ARHGAP15: variants seen among roughly 807,000 people sequenced by gnomAD.
ARHGAP15 encodes rho GTPase-activating protein 15.
A neutral mutation model predicts 63.7 loss-of-function variants in ARHGAP15; 51 were observed. The observed-to-expected ratio is 0.80, with a 90% confidence interval of 0.64 to 1.01. The LOEUF (loss-of-function observed/expected upper bound fraction) is 1.01, where lower values mean the gene tolerates loss of function less well. ARHGAP15 is among the 50% of genes least tolerant of loss of function. The pLI is 0.00. For synonymous variants in ARHGAP15, 191 were observed against 193.8 expected, an observed-to-expected ratio of 0.99 and a Z score of 0.12; for missense variants, 560 against 564.6, an observed-to-expected ratio of 0.99 and a Z score of 0.08.
intron 6 of ARHGAP15, among the ~76,000 whole-genome samples, chr2:143,277,732 C>T (rs983459862): frequency 6.6e-6 from 1 of 152,082 alleles, no homozygotes; most frequent in East Asian, 1.9e-4. Context: ...ATGATTCCTT[C>T]TTCAAATTCT....
At chr2:143,741,731 C>T (rs1239292948) in intron 13 of ARHGAP15, among the ~76,000 whole-genome samples, 2 of 152,188 alleles carry the variant, frequency 1.3e-5, no homozygotes, top group African/African-American at 4.8e-5. Flanking sequence ...ACCAGGCAGC[C>T]TGGAGACTTG....
intron 6 of ARHGAP15, among the ~76,000 whole-genome samples, chr2:143,406,399 G>C (rs951638658): frequency 6.6e-6 from 1 of 151,876 alleles, no homozygotes; most frequent in Non-Finnish European, 1.5e-5. Flanking sequence ...TCATAGTTAA[G>C]AGGTGTGGCT....
chr2:143,203,751 C>T (rs1395447144), intron 3 of ARHGAP15, among the ~76,000 whole-genome samples: 2 of 151,914 alleles, frequency 1.3e-5, no homozygotes, highest in Non-Finnish European at 2.9e-5. Flanking sequence ...TTTTGGAGCT[C>T]AGTTTTTATT....
intron 6 of ARHGAP15, among the ~76,000 whole-genome samples, chr2:143,358,924 TA>T (rs376665453): frequency 5.0e-4 from 71 of 142,582 alleles, no homozygotes; most frequent in East Asian, 1.0e-3. Context: ...CTGTTTAATG[TA>T]AAAAAAAAAA....
chr2:143,292,777 C>T (rs1682464066), intron 6 of ARHGAP15, among the ~76,000 whole-genome samples: 1 of 151,700 alleles, frequency 6.6e-6, no homozygotes, highest in Non-Finnish European at 1.5e-5. Flanking sequence ...GTTTTCTGTA[C>T]TTGAAAATAA....
chr2:143,161,017 T>A (rs983188681), intron 2 of ARHGAP15, among the ~76,000 whole-genome samples: 1 of 152,014 alleles, frequency 6.6e-6, no homozygotes, highest in Admixed American at 6.6e-5. Context: ...TACATTTTTT[T>A]AAAAGTTAGT....
At chr2:143,435,422 C>A in intron 6 of ARHGAP15, 179 bp from the exon 7 acceptor site, 1 of 1,214,842 alleles carries the variant, frequency 8.2e-7, no homozygotes, top group Non-Finnish European at 1.1e-6. Context: ...ACGTGAAAAA[C>A]AGTTTATAGA....
At chr2:143,735,934 GCTA>G (rs993247098) in intron 13 of ARHGAP15, among the ~76,000 whole-genome samples, 2 of 152,126 alleles carry the variant, frequency 1.3e-5, no homozygotes, top group African/African-American at 4.8e-5. Context: ...ATTCTCATTT[GCTA>G]CTACTAAATT....
intron 8 of ARHGAP15, among the ~76,000 whole-genome samples, chr2:143,470,234 G>T (rs1170247907): frequency 4.0e-5 from 6 of 150,240 alleles, no homozygotes; most frequent in Admixed American, 1.3e-4. Flanking sequence ...ACTAGTATCT[G>T]TGAATAGGTC....
intron 13 of ARHGAP15, among the ~76,000 whole-genome samples, chr2:143,754,174 G>A (rs1424091103): frequency 2.6e-5 from 4 of 152,314 alleles, no homozygotes; most frequent in African/African-American, 9.6e-5. Flanking sequence ...CGAAGCATTT[G>A]GTGGAGGGGC....
chr2:143,197,121 G>T (rs6743877), intron 2 of ARHGAP15, among the ~76,000 whole-genome samples: 25,532 of 151,854 alleles, frequency 0.17, 2,334 homozygotes, highest in Middle Eastern at 0.24. Flanking sequence ...TTCTGAGATT[G>T]TTGAGGAAGA....
intron 12 of ARHGAP15, among the ~76,000 whole-genome samples, chr2:143,702,521 C>T (rs1253730631): frequency 6.6e-6 from 1 of 152,088 alleles, no homozygotes; most frequent in South Asian, 2.1e-4. Flanking sequence ...CAAAATCAAG[C>T]AACAATAGAA....
Position 143,160,873 on chromosome 2 carries a change from G to C in ARHGAP15, c.165+5218G>C, listed in dbSNP as rs146999285. Among the ~76,000 whole-genome samples the C allele has an allele frequency of 3.9e-5, 6 of 152,036 alleles. No individual in the cohort carries two copies. In the East Asian group the frequency reaches 9.7e-4, roughly 25 times the overall value. On this transcript the variant is annotated intron_variant, in intron 2 of 13. Coordinates refer to ENST00000295095, the MANE Select transcript of ARHGAP15 (RefSeq NM_018460.4). ...AGAAAGTTTATGACGACAGTGAAGAGTCCATACTTCAAAGAAAGAGCTAGG... is the reference window on the plus strand; with the variant it reads ...AGAAAGTTTATGACGACAGTGAAGACTCCATACTTCAAAGAAAGAGCTAGG...
At chr2:143,650,462 A>G (rs920026441) in intron 12 of ARHGAP15, among the ~76,000 whole-genome samples, 2 of 151,888 alleles carry the variant, frequency 1.3e-5, no homozygotes, top group African/African-American at 4.8e-5. Flanking sequence ...CTAAAATGTG[A>G]TGGTTTTATG....
At chr2:143,589,505 G>T (rs967017654) in intron 11 of ARHGAP15, among the ~76,000 whole-genome samples, 2 of 152,188 alleles carry the variant, frequency 1.3e-5, no homozygotes, top group African/African-American at 4.8e-5. Context: ...CTGAGGCTTA[G>T]TGAGGTTAAC....
chr2:143,584,068 T>C (rs1441555666), intron 11 of ARHGAP15, among the ~76,000 whole-genome samples: 1 of 152,184 alleles, frequency 6.6e-6, no homozygotes, highest in Non-Finnish European at 1.5e-5. Flanking sequence ...AGAGTAACCA[T>C]TCATGTTTTT....
At chr2:143,373,548 T>C (rs2104920522) in intron 6 of ARHGAP15, among the ~76,000 whole-genome samples, 1 of 142,988 alleles carries the variant, frequency 7.0e-6, no homozygotes, top group African/African-American at 2.6e-5. Context: ...GAGAATGGCA[T>C]GAGCTGGGGA....
At chr2:143,149,354 T>G (rs1329008169) in intron 1 of ARHGAP15, among the ~76,000 whole-genome samples, 3 of 151,966 alleles carry the variant, frequency 2.0e-5, no homozygotes, top group Non-Finnish European at 4.4e-5. Context: ...ATTCCCTGGG[T>G]GTATGGCCAT....
chr2:143,279,968 T>G (rs573595080), intron 6 of ARHGAP15, among the ~76,000 whole-genome samples: 1 of 152,214 alleles, frequency 6.6e-6, no homozygotes, highest in South Asian at 2.1e-4. Context: ...TTGGGAGAGC[T>G]TGGGAAGTGG....
Sources: gnomAD v4.1 joint callset for allele counts (sites outside exome capture counted in the v4.1 genomes callset) on GRCh38, gnomAD v4.1.1 for gene constraint, MANE v1.5 for transcripts, NCBI Gene and HGNC (gene_info 2026-07-23, HGNC 2026-07-21) for gene names.